The following GPC6 variants were observed in gnomAD, a reference collection of about 807,000 sequenced individuals.
The protein encoded by GPC6 is glypican-6.
In GPC6, 14 loss-of-function variants were observed where a neutral mutation model predicts 55.2. The ratio of observed to expected loss-of-function variants is 0.25; its 90% confidence interval spans 0.17 to 0.40. The LOEUF (loss-of-function observed/expected upper bound fraction) is 0.40, where lower values mean the gene tolerates loss of function less well. GPC6 is among the 10% of genes least tolerant of loss of function. GPC6 has a pLI of 1.00. For synonymous variants in GPC6, 278 were observed against 259.6 expected (o/e 1.07, Z -0.68); for missense variants, 641 against 708.5 (o/e 0.90, Z 1.08).
At chr13:94,044,773 A>G (rs78687808) in intron 4 of GPC6, among the ~76,000 whole-genome samples, 3,676 of 151,920 alleles carry the variant, frequency 0.024, 149 homozygotes, top group African/African-American at 0.084. Flanking sequence ...TTTCCCCAGA[A>G]TCTCATAAGA....
chr13:94,305,540 A>C (rs1033336468), intron 5 of GPC6, among the ~76,000 whole-genome samples: 1 of 152,232 alleles, frequency 6.6e-6, no homozygotes, highest in Admixed American at 6.5e-5. Context: ...ATTGTACTAC[A>C]TAGACCACAA....
chr13:93,639,656 T>C (rs1402325158), intron 2 of GPC6, among the ~76,000 whole-genome samples: 1 of 152,140 alleles, frequency 6.6e-6, no homozygotes, highest in African/African-American at 2.4e-5. Context: ...GATTTGCTGA[T>C]GATTTGGTTT....
At position 93,330,352 on chromosome 13, in the gene GPC6, C is replaced by T. The variant is rs562417916; in HGVS notation, c.160+102736C>T. ...CTAGCCTGGGTAGCATGGCAAGATG[C>T]CATCTCTACCAAGAAAAAGAAAAAG... On this transcript the variant is annotated intron_variant, in intron 1 of 8. Transcript: ENST00000377047. 3.3e-5 allele frequency among the ~76,000 whole-genome samples: 5 copies of T among 152,088 alleles called. 1 individual carries two copies. The South Asian group carries it at 1.0e-3, about 32-fold the overall frequency.
chr13:93,643,277 A>G (rs564535311), intron 2 of GPC6, among the ~76,000 whole-genome samples: 51 of 152,230 alleles, frequency 3.4e-4, no homozygotes, highest in South Asian at 1.2e-3. Flanking sequence ...ATCTCTTCAC[A>G]GCCTCCATAT....
At chr13:94,020,653 T>G (rs2138711552) in intron 3 of GPC6, among the ~76,000 whole-genome samples, 1 of 152,316 alleles carries the variant, frequency 6.6e-6, no homozygotes, top group Non-Finnish European at 1.5e-5. Context: ...CTACTCTGGC[T>G]TCTCAGTTCT....
intron 1 of GPC6, among the ~76,000 whole-genome samples, chr13:93,439,957 T>A (rs1417423263): frequency 6.6e-6 from 1 of 152,210 alleles, no homozygotes; most frequent in African/African-American, 2.4e-5. Context: ...TTATTGTAAA[T>A]GTTTAATAAC....
chr13:93,308,633 G>A (rs1773756124), intron 1 of GPC6, among the ~76,000 whole-genome samples: 1 of 152,116 alleles, frequency 6.6e-6, no homozygotes, highest in Admixed American at 6.5e-5. Flanking sequence ...GTAGAGACAG[G>A]GTTTTGCCAT....
intron 1 of GPC6, among the ~76,000 whole-genome samples, chr13:93,295,666 A>G (rs1878473156): frequency 6.6e-6 from 1 of 151,728 alleles, no homozygotes; most frequent in Admixed American, 6.6e-5. Flanking sequence ...TATTTTTAGT[A>G]GAGACGGGGT....
At chr13:94,355,147 C>G (rs1270107640) in intron 6 of GPC6, among the ~76,000 whole-genome samples, 2 of 152,070 alleles carry the variant, frequency 1.3e-5, no homozygotes, top group Admixed American at 6.5e-5. Context: ...CCTCAGCCCC[C>G]CAAGTAGCTG....
chr13:94,153,629 A>G (rs1308778096), intron 4 of GPC6, among the ~76,000 whole-genome samples: 1 of 152,314 alleles, frequency 6.6e-6, no homozygotes, highest in Non-Finnish European at 1.5e-5. Context: ...AAAACTTGCT[A>G]TGCTCTTTCT....
chr13:93,378,829 C>G lies in GPC6; in HGVS notation c.160+151213C>G, dbSNP rs181500739. Among the ~76,000 whole-genome samples the G allele has an allele frequency of 3.7e-3, 559 of 151,966 alleles. 3 individuals carry two copies. The highest frequency in any genetic ancestry group is 7.3e-3 in the South Asian group (35 of 4,806). Reference sequence around the variant, plus strand: ...TGGCCAACATGGTGAAACCCTGTCTCTACAATAAATACAACAATTACCAGG... The same window carrying G: ...TGGCCAACATGGTGAAACCCTGTCTGTACAATAAATACAACAATTACCAGG... On this transcript the variant is annotated intron_variant, in intron 1 of 8. Coordinates refer to ENST00000377047, the MANE Select transcript of GPC6 (RefSeq NM_005708.5).
At chr13:93,726,916 T>G (rs946374404) in intron 2 of GPC6, among the ~76,000 whole-genome samples, 2 of 152,118 alleles carry the variant, frequency 1.3e-5, no homozygotes, top group African/African-American at 4.8e-5. Context: ...TCCCTGAAAT[T>G]ATTTTCTTGC....
chr13:93,739,464 C>G (rs1444421026), intron 2 of GPC6, among the ~76,000 whole-genome samples: 2 of 143,170 alleles, frequency 1.4e-5, no homozygotes, highest in African/African-American at 5.2e-5. Flanking sequence ...GAGTCTCACT[C>G]TGTTGCCCAG....
At chr13:94,066,789 T>A (rs1365841341) in intron 4 of GPC6, among the ~76,000 whole-genome samples, 1 of 152,216 alleles carries the variant, frequency 6.6e-6, no homozygotes, top group African/African-American at 2.4e-5. Flanking sequence ...CAACTTTATT[T>A]AACTACCAAC....
intron 2 of GPC6, among the ~76,000 whole-genome samples, chr13:93,734,105 T>C (rs1883917919): frequency 3.9e-5 from 1 of 25,320 alleles, no homozygotes; most frequent in Admixed American, 6.9e-4. Flanking sequence ...ATTCTGCAGT[T>C]TTGGGTTGAA....
At chr13:93,544,116 TA>T (rs1882445203) in intron 1 of GPC6, among the ~76,000 whole-genome samples, 2 of 151,664 alleles carry the variant, frequency 1.3e-5, no homozygotes, top group South Asian at 4.2e-4. Flanking sequence ...GTCTTTTAAT[TA>T]GGAACTCAAA....
intron 1 of GPC6, among the ~76,000 whole-genome samples, chr13:93,503,365 G>T (rs190025834): frequency 2.0e-4 from 30 of 152,296 alleles, no homozygotes; most frequent in Admixed American, 2.0e-3. Flanking sequence ...TTCTATAAAG[G>T]ACCAGACAGT....
chr13:94,316,443 C>T (rs1484461246), intron 6 of GPC6, among the ~76,000 whole-genome samples: 5 of 152,278 alleles, frequency 3.3e-5, no homozygotes, highest in East Asian at 1.9e-4. Flanking sequence ...ATGGGCCGGG[C>T]GCGGTGGCTC....
chr13:94,080,059 A>C (rs1318652669), intron 4 of GPC6, among the ~76,000 whole-genome samples: 4 of 152,204 alleles, frequency 2.6e-5, no homozygotes, highest in Non-Finnish European at 5.9e-5. Context: ...GGGACAACAT[A>C]ATGCAATTAT....
Sources: allele counts gnomAD v4.1 joint callset (sites outside exome capture counted in the v4.1 genomes callset), GRCh38; gene constraint gnomAD v4.1.1; transcripts MANE v1.5; gene names NCBI Gene and HGNC (gene_info 2026-07-23, HGNC 2026-07-21).